The following ADAM22 variants were observed in gnomAD, a reference collection of about 807,000 sequenced individuals.
The protein encoded by ADAM22 is disintegrin and metalloproteinase domain-containing protein 22.
Under a neutral mutation model 144.6 loss-of-function variants are expected in ADAM22, and 65 were observed. That is an observed-to-expected ratio of 0.45 (90% CI 0.37 to 0.55). The LOEUF is 0.55. Among genes scored for constraint, ADAM22 ranks in the 20% least tolerant of loss-of-function variants. The pLI is 0.00. For missense variants in ADAM22, 974 were observed against 1,184.9 expected, an observed-to-expected ratio of 0.82 and a Z score of 2.61; for synonymous variants, 391 against 412.6, an observed-to-expected ratio of 0.95 and a Z score of 0.63.
chr7:88,192,971 C>T (rs1849935634), intron 30 of ADAM22, 145 bp from the exon 31 acceptor site: 2 of 897,030 alleles, frequency 2.2e-6, no homozygotes, highest in Admixed American at 5.6e-5. Flanking sequence ...TTGAGAATGA[C>T]AGAATATCTT....
chr7:87,955,816 C>T (rs1001122958), intron 2 of ADAM22, among the ~76,000 whole-genome samples: 11 of 152,322 alleles, frequency 7.2e-5, no homozygotes, highest in East Asian at 3.9e-4. Flanking sequence ...TTTACCTAAG[C>T]GAGCCTGGGC....
chr7:88,023,713 T>C (rs1798337802), intron 3 of ADAM22, among the ~76,000 whole-genome samples: 1 of 152,150 alleles, frequency 6.6e-6, no homozygotes, highest in Non-Finnish European at 1.5e-5. Context: ...GCTTAGTTAT[T>C]TTAAAATATA....
chr7:88,116,442 AC>A (rs926883172), intron 6 of ADAM22, among the ~76,000 whole-genome samples: 14 of 152,196 alleles, frequency 9.2e-5, no homozygotes, highest in Non-Finnish European at 1.6e-4. Flanking sequence ...TAATAAAAAA[AC>A]ATTAAGTCAT....
chr7:88,107,935 A>G (rs1585783670), intron 4 of ADAM22, among the ~76,000 whole-genome samples: 1 of 152,066 alleles, frequency 6.6e-6, no homozygotes, highest in African/African-American at 2.4e-5. Context: ...CTCTAATATC[A>G]CCTACATAAA....
At chr7:87,957,405 A>G (rs1330879544) in intron 2 of ADAM22, among the ~76,000 whole-genome samples, 1 of 152,134 alleles carries the variant, frequency 6.6e-6, no homozygotes, top group Non-Finnish European at 1.5e-5. Flanking sequence ...TGTAATGGAC[A>G]CCCTTGTACA....
chr7:88,071,395 T>A (rs1366286819), intron 3 of ADAM22, among the ~76,000 whole-genome samples: 1 of 150,594 alleles, frequency 6.6e-6, no homozygotes, highest in Non-Finnish European at 1.5e-5. Flanking sequence ...GAAGTGATTT[T>A]TTTTTTTTTT....
chr7:88,172,534 C>T (rs1844594941), intron 26 of ADAM22, among the ~76,000 whole-genome samples: 1 of 151,842 alleles, frequency 6.6e-6, no homozygotes, highest in African/African-American at 2.4e-5. Flanking sequence ...ATTTGTCATG[C>T]TCCATCACAA....
intron 2 of ADAM22, among the ~76,000 whole-genome samples, chr7:87,966,721 GTTTTTTTTTTTTTTTTT>G (rs71120012): frequency 1.0e-4 from 4 of 39,882 alleles, no homozygotes; most frequent in East Asian, 2.0e-3. Flanking sequence ...AAGGAAAGCC[GTTTTTTTTTTTTTTTTT>G]TTTTTTTTTT....
At chr7:88,113,702 A>ATATATAT (rs59803488) in intron 5 of ADAM22, among the ~76,000 whole-genome samples, 1 of 72,986 alleles carries the variant, frequency 1.4e-5, no homozygotes, top group African/African-American at 6.9e-5. Flanking sequence ...ATAAATAAAT[A>ATATATAT]AATATATATA....
chr7:87,985,053 C>T (rs1306831040), intron 3 of ADAM22, among the ~76,000 whole-genome samples: 5 of 150,856 alleles, frequency 3.3e-5, no homozygotes, highest in African/African-American at 7.3e-5. Flanking sequence ...GTGGCTCACG[C>T]GTGTAATCCC....
chr7:88,025,988 T>C (rs1043233602), intron 3 of ADAM22, among the ~76,000 whole-genome samples: 1 of 151,522 alleles, frequency 6.6e-6, no homozygotes, highest in African/African-American at 2.4e-5. Context: ...TCTTTTCATT[T>C]TTTGTGTGTG....
At chr7:88,125,121 G>T (rs1451419159) in intron 7 of ADAM22, among the ~76,000 whole-genome samples, 1 of 151,790 alleles carries the variant, frequency 6.6e-6, no homozygotes, top group African/African-American at 2.4e-5. Flanking sequence ...TTTGGTTATG[G>T]GCAAAGAAGA....
intron 4 of ADAM22, among the ~76,000 whole-genome samples, chr7:88,098,278 C>G (rs1821998388): frequency 6.6e-6 from 1 of 152,054 alleles, no homozygotes; most frequent in African/African-American, 2.4e-5. Flanking sequence ...AATTAAGATA[C>G]AGGTTAATTT....
At position 88,155,887 on chromosome 7, in the gene ADAM22, G is replaced by T. The variant is rs1368683700; in HGVS notation, c.1788G>T (p.Arg596=). Residue 596 remains arginine (R), a splice_region_variant and synonymous_variant, in exon 22 of 32, where the codon CGG becomes CGT. Coordinates refer to ENST00000413139, the MANE Select transcript of ADAM22 (RefSeq NM_001324418.2). ...DKDTWIQCNK[R]DVLCGYLLCT... ...AGTAATTGGTAATCTTTTGATACAGGGATGTGCTTTGTGGTTACCTTTTGT... is the reference window on the plus strand; with the variant it reads ...AGTAATTGGTAATCTTTTGATACAGTGATGTGCTTTGTGGTTACCTTTTGT... 8.1e-6 allele frequency: 13 copies of T among 1,612,416 alleles called. No individual in the cohort carries two copies. The highest frequency in any genetic ancestry group is 3.4e-6 in the Non-Finnish European group (4 of 1,179,230).
rs569926143 is a variant in ADAM22 at position 88,110,977 on chromosome 7, G to A, written c.473+2719G>A. On this transcript the variant is annotated intron_variant, in intron 5 of 31. Coordinates refer to ENST00000413139, the MANE Select transcript of ADAM22 (RefSeq NM_001324418.2). Reference sequence around the variant, plus strand: ...AGGTTGGTCTCGAACTCCTGACCTCGTGATCCGCCCACCTCAGCCTCCCAA... The same window carrying A: ...AGGTTGGTCTCGAACTCCTGACCTCATGATCCGCCCACCTCAGCCTCCCAA... 3.6e-3 allele frequency among the ~76,000 whole-genome samples: 528 copies of A among 146,368 alleles called. 3 individuals are homozygous for A. Among genetic ancestry groups the A allele is most frequent in the Non-Finnish European group, 4.8e-3 (320 of 66,844 alleles).
intron 3 of ADAM22, among the ~76,000 whole-genome samples, chr7:88,011,533 C>G (rs879130065): frequency 1.4e-5 from 2 of 141,236 alleles, no homozygotes; most frequent in Admixed American, 1.4e-4. Context: ...GAGCGAGACT[C>G]AATCTCAAAA....
At chr7:88,047,178 G>A (rs1368529138) in intron 3 of ADAM22, among the ~76,000 whole-genome samples, 1 of 152,176 alleles carries the variant, frequency 6.6e-6, no homozygotes, top group Non-Finnish European at 1.5e-5. Context: ...ACCTAGTACA[G>A]TTCCTGGCAC....
At chr7:88,058,160 A>G (rs1808802728) in intron 3 of ADAM22, among the ~76,000 whole-genome samples, 1 of 152,212 alleles carries the variant, frequency 6.6e-6, no homozygotes. Flanking sequence ...GACTTACCAG[A>G]GTGGAAAAAG....
chr7:88,165,187 G>A (rs1842663679), intron 23 of ADAM22, among the ~76,000 whole-genome samples: 1 of 152,038 alleles, frequency 6.6e-6, no homozygotes, highest in Non-Finnish European at 1.5e-5. Context: ...TTCCTGAGTG[G>A]ACTAATGAAG....
Sources: allele counts gnomAD v4.1 joint callset (sites outside exome capture counted in the v4.1 genomes callset), GRCh38; gene constraint gnomAD v4.1.1; transcripts MANE v1.5; gene names NCBI Gene and HGNC (gene_info 2026-07-23, HGNC 2026-07-21).